Variants in CACNA2D1 observed in about 807,000 individuals in gnomAD.
CACNA2D1 encodes the protein calcium voltage-gated channel auxiliary subunit alpha2delta 1, also known as voltage-dependent calcium channel subunit alpha-2/delta-1.
CACNA2D1 carries 53 observed loss-of-function variants against 171.5 expected under a neutral mutation model. The observed-to-expected ratio is 0.31, with a 90% CI of 0.25 to 0.39. CACNA2D1 has a LOEUF of 0.39. Ranked by LOEUF, CACNA2D1 falls within the 10% of genes least tolerant of loss-of-function variation. The pLI is 1.00. For synonymous variants in CACNA2D1, 442 were observed against 443.1 expected (o/e 1.00, Z 0.03); for missense variants, 903 against 1,299.8 (o/e 0.69, Z 4.69).
intron 4 of CACNA2D1, among the ~76,000 whole-genome samples, chr7:82,140,970 G>A (rs258714): frequency 0.48 from 43,953 of 90,806 alleles, 10,254 homozygotes; most frequent in African/African-American, 0.71. Flanking sequence ...AAAAAAAAAA[G>A]AAAAAAAAAT....
At chr7:82,434,411 G>A (rs1338573521) in intron 1 of CACNA2D1, among the ~76,000 whole-genome samples, 1 of 152,058 alleles carries the variant, frequency 6.6e-6, no homozygotes, top group Non-Finnish European at 1.5e-5. Flanking sequence ...TGTCATAGGG[G>A]TTTGTTGTAC....
chr7:82,401,101 G>A (rs889138045), intron 1 of CACNA2D1, among the ~76,000 whole-genome samples: 6 of 152,178 alleles, frequency 3.9e-5, no homozygotes, highest in African/African-American at 1.4e-4. Context: ...CTTTTACACT[G>A]TTGGTGGGAC....
intron 5 of CACNA2D1, among the ~76,000 whole-genome samples, chr7:82,132,214 G>A (rs1791073134): frequency 6.6e-6 from 1 of 152,116 alleles, no homozygotes; most frequent in African/African-American, 2.4e-5. Flanking sequence ...CTCCCCCAAA[G>A]GGTTTGATTA....
chr7:82,111,444 A>ATATATATATATTT (rs1207440298), intron 6 of CACNA2D1, among the ~76,000 whole-genome samples: 11 of 69,968 alleles, frequency 1.6e-4, no homozygotes, highest in African/African-American at 6.8e-4. Flanking sequence ...ATATATATAT[A>ATATATATATATTT]TTTTTTTTTT....
intron 4 of CACNA2D1, among the ~76,000 whole-genome samples, chr7:82,138,092 G>A (rs1478693550): frequency 6.6e-6 from 1 of 152,054 alleles, no homozygotes; most frequent in Non-Finnish European, 1.5e-5. Context: ...GAACTTCACA[G>A]AGACAATGTA....
chr7:82,240,812 C>CA (rs1300734815), intron 3 of CACNA2D1, among the ~76,000 whole-genome samples: 1 of 151,908 alleles, frequency 6.6e-6, no homozygotes, highest in Non-Finnish European at 1.5e-5. Context: ...ACTAAAAATA[C>CA]AAAAATTAGC....
chr7:82,127,809 C>T (rs1006454567), intron 5 of CACNA2D1, among the ~76,000 whole-genome samples: 17 of 152,144 alleles, frequency 1.1e-4, no homozygotes, highest in African/African-American at 4.1e-4. Context: ...CTGGACACAG[C>T]AAAGATTTTC....
intron 4 of CACNA2D1, among the ~76,000 whole-genome samples, chr7:82,138,449 G>GTTTTTTTTT (rs5885271): frequency 1.7e-4 from 17 of 101,578 alleles, no homozygotes; most frequent in Non-Finnish European, 3.1e-4. Flanking sequence ...TGTTTTTTTT[G>GTTTTTTTTT]TTTTTTTTTT....
intron 6 of CACNA2D1, among the ~76,000 whole-genome samples, chr7:82,089,432 T>A (rs535482650): frequency 1.3e-5 from 2 of 152,318 alleles, no homozygotes; most frequent in East Asian, 1.9e-4. Flanking sequence ...CTTTTATAGA[T>A]GTCCAAGGCC....
chr7:82,435,167 C>G (rs576676002), intron 1 of CACNA2D1, among the ~76,000 whole-genome samples: 68 of 151,766 alleles, frequency 4.5e-4, no homozygotes, highest in African/African-American at 1.6e-3. Flanking sequence ...TCCTCAGCAG[C>G]TGGGACTACA....
intron 1 of CACNA2D1, among the ~76,000 whole-genome samples, chr7:82,412,845 G>A (rs1379887292): frequency 6.6e-6 from 1 of 151,890 alleles, no homozygotes; most frequent in East Asian, 1.9e-4. Context: ...CATCTCCCTT[G>A]AAATTATCAA....
chr7:82,037,936 CT>C (rs1803509690), intron 11 of CACNA2D1, 140 bp downstream of exon 11: 7 of 726,468 alleles, frequency 9.6e-6, no homozygotes, highest in Non-Finnish European at 1.6e-5. Flanking sequence ...TCAAAGGTTT[CT>C]TCTGCCTGCA....
At position 82,102,305 on chromosome 7, in the gene CACNA2D1, A is replaced by G. The variant is rs527813572; in HGVS notation, c.526+14739T>C. ...ATTTTGATTTTGAAACATCTTGGGG[A>G]AAAAAAATCCTGAGAAGCAGAGGAA... On this transcript the variant is annotated intron_variant, in intron 6 of 38. Coordinates refer to ENST00000356860, the MANE Select transcript of CACNA2D1 (RefSeq NM_000722.4). 1.0e-3 allele frequency among the ~76,000 whole-genome samples: 150 copies of G among 150,502 alleles called. 1 individual carries two copies. Among genetic ancestry groups the G allele is most frequent in the African/African-American group, 3.4e-3 (142 of 41,478 alleles).
intron 3 of CACNA2D1, among the ~76,000 whole-genome samples, chr7:82,216,834 CA>C (rs1328131127): frequency 2.4e-5 from 3 of 124,258 alleles, no homozygotes; most frequent in Admixed American, 8.7e-5. Flanking sequence ...ATATATCTGT[CA>C]AAAAAATAGC....
Position 82,099,422 on chromosome 7 carries a change from C to CTTTTT in CACNA2D1, c.527-14527_527-14523dup, listed in dbSNP as rs932080938. Reference sequence around the variant, plus strand: ...ACTCTAAAACAGGTAGCAATACCTTCTTTTTTTTTTTTTTTTTTTTTTTTT... The same window carrying CTTTTT: ...ACTCTAAAACAGGTAGCAATACCTTCTTTTTTTTTTTTTTTTTTTTTTTTTTTTTT... On this transcript the variant is annotated intron_variant, in intron 6 of 38. Transcript: ENST00000356860. Among the ~76,000 whole-genome samples the CTTTTT allele has an allele frequency of 7.9e-4, 32 of 40,268 alleles. 4 individuals are homozygous for CTTTTT. The highest frequency in any genetic ancestry group is 1.2e-3 in the Non-Finnish European group (25 of 20,262). The allele number at this position is 40,268 out of a possible 152,430, so 26.4% of individuals were successfully genotyped here. A position where few individuals can be genotyped will look rare whatever the true frequency, so the allele number is the denominator to read the frequency against.
chr7:82,136,788 A>G (rs908612786), intron 4 of CACNA2D1, 112 bp from the exon 5 acceptor site: 4 of 768,730 alleles, frequency 5.2e-6, no homozygotes, highest in Non-Finnish European at 8.5e-6. Context: ...TTTCTTTCAC[A>G]ATATATTCCA....
rs1799058679 is a variant in CACNA2D1 at position 82,005,778 on chromosome 7, G to A, written c.1502C>T (p.Thr501Ile). ...ATTTCATCTTACTGTAAAACGTGGTGTCAGTCTTTTAATATCTTCCAAAGA... is the reference window on the plus strand; with the variant it reads ...ATTTCATCTTACTGTAAAACGTGGTATCAGTCTTTTAATATCTTCCAAAGA... ...DVSLEDIKRL[T>I]PRFTLCPNGY... The change falls in exon 17 of 39, where the codon ACA becomes ATA. Residue 501 changes from threonine (T) to isoleucine (I), a missense_variant. Thr to Ile is a moderately conservative substitution (Grantham distance 89). Transcript: ENST00000356860. The A allele has an allele frequency of 6.3e-7, 1 of 1,598,576 alleles. No individual in the cohort carries two copies. The highest frequency in any genetic ancestry group is 8.6e-7 in the Non-Finnish European group (1 of 1,166,172).
chr7:82,114,971 A>C (rs1307001818), intron 6 of CACNA2D1, among the ~76,000 whole-genome samples: 1 of 152,186 alleles, frequency 6.6e-6, no homozygotes, highest in Non-Finnish European at 1.5e-5. Context: ...GTGGACATTT[A>C]TAAATTACTA....
At chr7:82,401,988 C>CT (rs1217692064) in intron 1 of CACNA2D1, among the ~76,000 whole-genome samples, 2 of 152,106 alleles carry the variant, frequency 1.3e-5, no homozygotes, top group African/African-American at 4.8e-5. Flanking sequence ...GGTTTAGTTT[C>CT]TTTTTTCACA....
Sources: allele counts gnomAD v4.1 joint callset (sites outside exome capture counted in the v4.1 genomes callset), GRCh38; gene constraint gnomAD v4.1.1; transcripts MANE v1.5; gene names NCBI Gene and HGNC (gene_info 2026-07-23, HGNC 2026-07-21).